SNTG2: variants seen among roughly 807,000 people sequenced by gnomAD.
The protein encoded by SNTG2 is syntrophin gamma 2, also known as gamma-2-syntrophin.
A neutral mutation model predicts 70.9 loss-of-function variants in SNTG2; 74 were observed. The observed-to-expected ratio is 1.04, with a 90% CI of 0.86 to 1.27. SNTG2 has a LOEUF of 1.27. Ranked by LOEUF, SNTG2 falls within the 50% of genes most tolerant of loss-of-function variation. The probability of loss-of-function intolerance (pLI) is 0.00; values close to 1 mark genes in which losing one functional copy is unlikely to be tolerated. For missense variants in SNTG2, 717 were observed against 690.7 expected (o/e 1.04, Z -0.43); for synonymous variants, 278 against 273.8 (o/e 1.02, Z -0.15).
At chr2:1,308,953 G>A (rs931255147) in intron 15 of SNTG2, among the ~76,000 whole-genome samples, 2 of 152,196 alleles carry the variant, frequency 1.3e-5, no homozygotes, top group African/African-American at 4.8e-5. Context: ...GTGCCTGGGG[G>A]AATTTGTGGA....
chr2:1,223,413 G>A (rs1042773047), intron 9 of SNTG2, among the ~76,000 whole-genome samples: 3 of 151,758 alleles, frequency 2.0e-5, no homozygotes, highest in Admixed American at 6.6e-5. Context: ...GATGGAGGGC[G>A]TCTCCCTGTC....
At chr2:1,078,601 A>C (rs1664079415) in intron 1 of SNTG2, among the ~76,000 whole-genome samples, 2 of 152,188 alleles carry the variant, frequency 1.3e-5, no homozygotes, top group Non-Finnish European at 2.9e-5. Flanking sequence ...GCATCACCGG[A>C]CACTGGCTTT....
intron 4 of SNTG2, among the ~76,000 whole-genome samples, chr2:1,130,979 A>T (rs1403248508): frequency 6.6e-6 from 1 of 152,222 alleles, no homozygotes; most frequent in Non-Finnish European, 1.5e-5. Context: ...AGCAAATTTA[A>T]TGACCTTTGT....
At chr2:971,051 G>T (rs1304154808) in intron 1 of SNTG2, among the ~76,000 whole-genome samples, 2 of 152,192 alleles carry the variant, frequency 1.3e-5, no homozygotes, top group African/African-American at 2.4e-5. Flanking sequence ...ACTGTTGGTG[G>T]GATTGTTTGA....
At chr2:1,244,710 A>C (rs896832257) in intron 11 of SNTG2, among the ~76,000 whole-genome samples, 7 of 151,864 alleles carry the variant, frequency 4.6e-5, no homozygotes, top group Admixed American at 3.9e-4. Flanking sequence ...AAAAAAAAAA[A>C]AAAAAACAGT....
intron 6 of SNTG2, among the ~76,000 whole-genome samples, chr2:1,151,678 G>A (rs1400333017): frequency 6.6e-6 from 1 of 152,086 alleles, no homozygotes; most frequent in Non-Finnish European, 1.5e-5. Flanking sequence ...AAGCCTTTGC[G>A]TCCTGGATTT....
At position 1,283,967 on chromosome 2, in the gene SNTG2, AACTGAGTACCTC is replaced by A. The variant is rs891652807; in HGVS notation, c.1284+16399_1284+16410del. Among the ~76,000 whole-genome samples, 4 of 152,126 alleles carry A rather than the reference AACTGAGTACCTC, an allele frequency of 2.6e-5. No homozygotes were observed. In the South Asian group the frequency reaches 8.3e-4, roughly 32 times the overall value. ...CTGGGAATTATGTTTGACAGCTTTA[AACTGAGTACCTC>A]ACGGTAGATATTTGAAAGTCCCCGC... On this transcript the variant is annotated intron_variant, in intron 14 of 16. Coordinates refer to ENST00000308624, the MANE Select transcript of SNTG2 (RefSeq NM_018968.4).
intron 16 of SNTG2, among the ~76,000 whole-genome samples, chr2:1,358,122 C>G (rs1158619666): frequency 6.6e-6 from 1 of 152,086 alleles, no homozygotes; most frequent in African/African-American, 2.4e-5. Flanking sequence ...CCTCTACTTA[C>G]AAAGACTCTA....
chr2:1,238,863 A>ACCCGCCCTGCC, intron 10 of SNTG2, among the ~76,000 whole-genome samples: 1 of 152,220 alleles, frequency 6.6e-6, no homozygotes, highest in Non-Finnish European at 1.5e-5. Flanking sequence ...CTGCAGATGC[A>ACCCGCCCTGCC]CCCGCCCTGC....
intron 16 of SNTG2, 32 bp from the exon 17 acceptor site, chr2:1,367,311 T>C (rs1027704288): frequency 6.7e-7 from 1 of 1,503,318 alleles, no homozygotes; most frequent in South Asian, 1.3e-5. Flanking sequence ...CCAACAATTA[T>C]AATAAACACT....
intron 16 of SNTG2, among the ~76,000 whole-genome samples, chr2:1,342,326 A>G (rs1267223415): frequency 1.8e-5 from 2 of 113,490 alleles, no homozygotes; most frequent in Non-Finnish European, 1.8e-5. Flanking sequence ...TAATTTGGGA[A>G]GCAGGACATG....
chr2:1,276,811 A>G (rs1446703631), intron 14 of SNTG2, among the ~76,000 whole-genome samples: 1 of 152,250 alleles, frequency 6.6e-6, no homozygotes, highest in Non-Finnish European at 1.5e-5. Flanking sequence ...CCTAGATTTC[A>G]TTAGAAACAT....
intron 16 of SNTG2, among the ~76,000 whole-genome samples, chr2:1,340,825 C>T (rs547507000): frequency 6.6e-6 from 1 of 152,064 alleles, no homozygotes; most frequent in East Asian, 1.9e-4. Flanking sequence ...GGATGTTTTG[C>T]ACAGGGCAAT....
intron 16 of SNTG2, among the ~76,000 whole-genome samples, chr2:1,325,859 A>T (rs929881455): frequency 6.6e-6 from 1 of 151,620 alleles, no homozygotes; most frequent in Middle Eastern, 3.4e-3. Context: ...TTTGAGATGG[A>T]GTCTCACTCT....
intron 2 of SNTG2, among the ~76,000 whole-genome samples, chr2:1,090,291 C>T (rs1212878137): frequency 3.3e-5 from 5 of 152,132 alleles, no homozygotes; most frequent in African/African-American, 1.2e-4. Context: ...TTTATATTTT[C>T]AATATTACCA....
intron 1 of SNTG2, among the ~76,000 whole-genome samples, chr2:981,671 C>A (rs1157689774): frequency 2.0e-5 from 3 of 152,192 alleles, no homozygotes; most frequent in Non-Finnish European, 4.4e-5. Context: ...GAACACAGAC[C>A]TGCATACATG....
At chr2:1,244,674 T>C (rs191485984) in intron 11 of SNTG2, among the ~76,000 whole-genome samples, 10,501 of 132,352 alleles carry the variant, frequency 0.079, 429 homozygotes, top group South Asian at 0.11. Context: ...CCAGCCTGGG[T>C]GACAGAGCGA....
intron 1 of SNTG2, among the ~76,000 whole-genome samples, chr2:973,573 T>C (rs1405620646): frequency 2.0e-5 from 3 of 151,784 alleles, no homozygotes; most frequent in Non-Finnish European, 2.9e-5. Context: ...TGTTTTTTAC[T>C]AATTTTGGAA....
At chr2:1,296,228 G>T (rs1452027056) in intron 14 of SNTG2, among the ~76,000 whole-genome samples, 2 of 152,240 alleles carry the variant, frequency 1.3e-5, no homozygotes, top group Admixed American at 6.5e-5. Context: ...TCCTGGAATT[G>T]GTTAGAATAA....
Sources: gnomAD v4.1 joint callset for allele counts (sites outside exome capture counted in the v4.1 genomes callset) on GRCh38, gnomAD v4.1.1 for gene constraint, MANE v1.5 for transcripts, NCBI Gene and HGNC (gene_info 2026-07-23, HGNC 2026-07-21) for gene names.